UGGT2: variants seen among roughly 807,000 people sequenced by gnomAD.
The protein encoded by UGGT2 is UDP-glucose:glycoprotein glucosyltransferase 2.
In UGGT2, 180 loss-of-function variants were observed where a neutral mutation model predicts 192.1. That is an observed-to-expected ratio of 0.94 (90% CI 0.83 to 1.06). The LOEUF is 1.06. Ranked by LOEUF, UGGT2 falls within the 50% of genes least tolerant of loss-of-function variation. The pLI, the probability that UGGT2 is intolerant of heterozygous loss-of-function variation, is 0.00. For synonymous variants in UGGT2, 580 were observed against 591.0 expected, an observed-to-expected ratio of 0.98 and a Z score of 0.27; for missense variants, 1,849 against 1,795.7, an observed-to-expected ratio of 1.03 and a Z score of -0.54.
intron 6 of UGGT2, among the ~76,000 whole-genome samples, chr13:95,998,359 A>T (rs1417163271): frequency 6.6e-6 from 1 of 152,250 alleles, no homozygotes; most frequent in Non-Finnish European, 1.5e-5. Flanking sequence ...ACATAAAATC[A>T]GAGTATTATT....
chr13:95,834,819 C>A (rs1242915216), intron 37 of UGGT2, among the ~76,000 whole-genome samples: 1 of 152,092 alleles, frequency 6.6e-6, no homozygotes, highest in Non-Finnish European at 1.5e-5. Context: ...AGGGGCCATG[C>A]CTTTAGGATT....
intron 38 of UGGT2, among the ~76,000 whole-genome samples, chr13:95,813,067 A>AT: frequency 6.6e-6 from 1 of 152,254 alleles, no homozygotes; most frequent in Non-Finnish European, 1.5e-5. Flanking sequence ...AGTCTCAGGT[A>AT]TTTTTTTATG....
intron 17 of UGGT2, among the ~76,000 whole-genome samples, chr13:95,935,186 A>G (rs1478422534): frequency 6.6e-6 from 1 of 152,170 alleles, no homozygotes; most frequent in Admixed American, 6.5e-5. Context: ...CACTTAGGCC[A>G]TTTATATTCA....
intron 12 of UGGT2, among the ~76,000 whole-genome samples, chr13:95,967,147 A>G (rs2050606689): frequency 6.6e-6 from 1 of 150,610 alleles, no homozygotes; most frequent in African/African-American, 2.4e-5. Context: ...AGGGCACCAC[A>G]GGCATAACCT....
chr13:96,013,571 T>C lies in UGGT2; in HGVS notation c.486-90A>G, dbSNP rs572721643. On this transcript the variant is annotated intron_variant, in intron 4 of 38. Transcript: ENST00000376747. ...TAATTACTGCTTATCAAACAATTCA[T>C]AATATACATAATCACAGAAAAAGAA... The C allele has an allele frequency of 2.8e-4, 224 of 797,950 alleles. No homozygotes were observed. In the African/African-American group the frequency reaches 3.8e-3, roughly 14 times the overall value. 49.4% of individuals were successfully genotyped at this position (797,950 alleles called of 1,614,324 possible).
intron 5 of UGGT2, among the ~76,000 whole-genome samples, chr13:96,006,000 C>T (rs951364880): frequency 6.6e-6 from 1 of 152,170 alleles, no homozygotes; most frequent in Non-Finnish European, 1.5e-5. Context: ...AAGGCTCCTA[C>T]ACAAAATGTT....
At chr13:95,884,750 T>C in intron 26 of UGGT2, 70 bp from the exon 27 acceptor site, 1 of 1,435,434 alleles carries the variant, frequency 7.0e-7, no homozygotes, top group Non-Finnish European at 9.3e-7. Flanking sequence ...ATTTTCAAAA[T>C]TGAAAATTGC....
chr13:95,807,271 G>A (rs554803940), intron 38 of UGGT2, among the ~76,000 whole-genome samples: 15 of 152,206 alleles, frequency 9.9e-5, no homozygotes, highest in Admixed American at 5.9e-4. Flanking sequence ...TTCACATTCC[G>A]TAGGCTAAGG....
At chr13:95,882,599 T>A (rs1386224845) in intron 27 of UGGT2, among the ~76,000 whole-genome samples, 1 of 152,208 alleles carries the variant, frequency 6.6e-6, no homozygotes, top group Non-Finnish European at 1.5e-5. Context: ...GAATTTATAA[T>A]CTCCTTTTGT....
chr13:95,879,988 C>T (rs767120193), intron 27 of UGGT2, among the ~76,000 whole-genome samples: 4 of 152,012 alleles, frequency 2.6e-5, no homozygotes, highest in Non-Finnish European at 4.4e-5. Flanking sequence ...GTTTGCTGTA[C>T]CCATCAACCT....
intron 27 of UGGT2, among the ~76,000 whole-genome samples, chr13:95,879,272 T>C (rs1391400875): frequency 2.0e-5 from 3 of 152,236 alleles, no homozygotes; most frequent in Non-Finnish European, 4.4e-5. Flanking sequence ...CTCTTGTTCC[T>C]ATATATTTAT....
intron 10 of UGGT2, among the ~76,000 whole-genome samples, chr13:95,979,274 CA>C (rs767373987): frequency 1.3e-5 from 2 of 152,194 alleles, no homozygotes; most frequent in African/African-American, 4.8e-5. Flanking sequence ...GGAGTTAAAG[CA>C]GTTGTCTCCT....
At chr13:95,928,088 C>T (rs2049090431) in intron 17 of UGGT2, among the ~76,000 whole-genome samples, 1 of 152,246 alleles carries the variant, frequency 6.6e-6, no homozygotes, top group Admixed American at 6.5e-5. Flanking sequence ...CAGTAACAAT[C>T]TGATCTCTCT....
At chr13:96,047,753 T>A (rs1180631145) in intron 1 of UGGT2, among the ~76,000 whole-genome samples, 1 of 151,908 alleles carries the variant, frequency 6.6e-6, no homozygotes, top group Admixed American at 6.6e-5. Context: ...CATTACATAA[T>A]GGTAAAGGGA....
chr13:95,986,201 C>A (rs2051284923), intron 9 of UGGT2, 132 bp downstream of exon 9: 2 of 600,274 alleles, frequency 3.3e-6, no homozygotes, highest in East Asian at 3.3e-5. Flanking sequence ...ATTGAAAAGG[C>A]CCTGATTTCA....
At chr13:95,981,130 G>A (rs1215523999) in intron 10 of UGGT2, among the ~76,000 whole-genome samples, 1 of 152,098 alleles carries the variant, frequency 6.6e-6, no homozygotes, top group Non-Finnish European at 1.5e-5. Flanking sequence ...AGTAAAGCCA[G>A]GAGCTCTGCA....
chr13:96,017,329 C>T (rs2052369411), intron 4 of UGGT2, among the ~76,000 whole-genome samples: 1 of 152,162 alleles, frequency 6.6e-6, no homozygotes, highest in Non-Finnish European at 1.5e-5. Context: ...CTCCAAATCG[C>T]ATGTTGAAAT....
intron 36 of UGGT2, among the ~76,000 whole-genome samples, chr13:95,841,756 T>C (rs534716048): frequency 1.1e-3 from 173 of 152,352 alleles, no homozygotes; most frequent in African/African-American, 3.8e-3. Flanking sequence ...CTTAAAAACA[T>C]TGCCTAATCC....
chr13:95,979,225 C>G (rs1472173292), intron 10 of UGGT2, among the ~76,000 whole-genome samples: 1 of 152,134 alleles, frequency 6.6e-6, no homozygotes, highest in Non-Finnish European at 1.5e-5. Flanking sequence ...AGCAAATTAA[C>G]AACAATTATG....
Sources: allele counts gnomAD v4.1 joint callset (sites outside exome capture counted in the v4.1 genomes callset), GRCh38; gene constraint gnomAD v4.1.1; transcripts MANE v1.5; gene names NCBI Gene and HGNC (gene_info 2026-07-23, HGNC 2026-07-21).